THSD7B: variants seen among roughly 807,000 people sequenced by gnomAD.
The protein encoded by THSD7B is thrombospondin type-1 domain-containing protein 7B.
Under a neutral mutation model 213.6 loss-of-function variants are expected in THSD7B, and 138 were observed. That is an observed-to-expected ratio of 0.65 (90% CI 0.56 to 0.74). The LOEUF is 0.74. Among genes scored for constraint, THSD7B ranks in the 30% least tolerant of loss-of-function variants. The pLI is 0.00. For synonymous variants in THSD7B, 742 were observed against 687.0 expected (o/e 1.08, Z -1.25); for missense variants, 1,931 against 1,991.5 (o/e 0.97, Z 0.58).
intron 3 of THSD7B, among the ~76,000 whole-genome samples, chr2:137,068,031 G>T (rs1009443052): frequency 6.6e-6 from 1 of 151,974 alleles, no homozygotes; most frequent in African/African-American, 2.4e-5. Flanking sequence ...TCTGGTCCTG[G>T]TTCTAGTAGT....
rs535089753 is a variant in THSD7B at position 137,336,711 on chromosome 2, A to G, written c.2500+60685A>G. On this transcript the variant is annotated intron_variant, in intron 12 of 27. Coordinates refer to ENST00000409968, the MANE Select transcript of THSD7B (RefSeq NM_001316349.2). The stretch of plus-strand genomic sequence containing the variant: ...ATTGTGTTCTTGAAGAGAATACCAC[A>G]AACAGTGTTTGTCTAACTGGAGTTA... Among the ~76,000 whole-genome samples, 3 of 152,266 alleles carry G rather than the reference A, an allele frequency of 2.0e-5. No homozygotes were observed. The South Asian group carries it at 6.2e-4, about 32-fold the overall frequency.
At chr2:137,325,268 A>G (rs1224236251) in intron 12 of THSD7B, among the ~76,000 whole-genome samples, 1 of 152,174 alleles carries the variant, frequency 6.6e-6, no homozygotes, top group Admixed American at 6.5e-5. Context: ...TCTGAACTGA[A>G]GTGAAAGCAA....
At chr2:137,488,532 A>G (rs949402862) in intron 15 of THSD7B, among the ~76,000 whole-genome samples, 11 of 152,212 alleles carry the variant, frequency 7.2e-5, no homozygotes, top group African/African-American at 2.7e-4. Flanking sequence ...ATATAGAATT[A>G]TCAATGATTG....
chr2:137,513,738 T>C (rs186386984), intron 15 of THSD7B, among the ~76,000 whole-genome samples: 11 of 152,334 alleles, frequency 7.2e-5, no homozygotes, highest in African/African-American at 2.4e-4. Flanking sequence ...TGAGGATTAT[T>C]CTGGAACCTG....
chr2:137,383,819 C>T lies in THSD7B; in HGVS notation c.2501-21794C>T, dbSNP rs1416061578. Among the ~76,000 whole-genome samples, 5 of 152,304 alleles carry T rather than the reference C, an allele frequency of 3.3e-5. No individual in the cohort carries two copies. The East Asian group carries it at 9.7e-4, about 29-fold the overall frequency. ...TGAGTGTTTTTCCAGCTCCCTGCCA[C>T]TTGCCCACCAACACCCCTCAGACCT... On this transcript the variant is annotated intron_variant, in intron 12 of 27. Coordinates refer to ENST00000409968, the MANE Select transcript of THSD7B (RefSeq NM_001316349.2).
chr2:137,471,410 C>A (rs1688092909), intron 15 of THSD7B, among the ~76,000 whole-genome samples: 1 of 152,076 alleles, frequency 6.6e-6, no homozygotes, highest in Non-Finnish European at 1.5e-5. Context: ...TTCATAACTA[C>A]CCAGAAAGCT....
chr2:137,552,684 C>G (rs1200703069), intron 15 of THSD7B, among the ~76,000 whole-genome samples: 1 of 152,160 alleles, frequency 6.6e-6, no homozygotes, highest in Non-Finnish European at 1.5e-5. Context: ...GCATGCATTA[C>G]ATTGTACACA....
chr2:137,355,384 G>C (rs947451558), intron 12 of THSD7B, among the ~76,000 whole-genome samples: 1 of 152,154 alleles, frequency 6.6e-6, no homozygotes, highest in Non-Finnish European at 1.5e-5. Flanking sequence ...AAATAAATGA[G>C]ATAGAAACTA....
At chr2:137,236,786 A>G (rs931614520) in intron 9 of THSD7B, among the ~76,000 whole-genome samples, 2 of 152,138 alleles carry the variant, frequency 1.3e-5, no homozygotes, top group Non-Finnish European at 2.9e-5. Context: ...TTTGTAGCCC[A>G]ATGTGATGTA....
chr2:137,606,901 G>C (rs185974392), intron 17 of THSD7B, among the ~76,000 whole-genome samples: 62 of 152,228 alleles, frequency 4.1e-4, no homozygotes, highest in African/African-American at 1.4e-3. Context: ...AATGGCAACT[G>C]TCACCTAAGG....
At chr2:137,367,332 G>T (rs1263975204) in intron 12 of THSD7B, among the ~76,000 whole-genome samples, 1 of 152,116 alleles carries the variant, frequency 6.6e-6, no homozygotes, top group African/African-American at 2.4e-5. Context: ...AAAGGAGAGA[G>T]AGGGCAGAAA....
At chr2:137,229,078 T>C (rs1681580251) in intron 7 of THSD7B, among the ~76,000 whole-genome samples, 1 of 152,198 alleles carries the variant, frequency 6.6e-6, no homozygotes, top group Non-Finnish European at 1.5e-5. Flanking sequence ...CAATGTATAT[T>C]GGCATTTTCA....
intron 2 of THSD7B, among the ~76,000 whole-genome samples, chr2:136,917,070 T>A (rs1342483229): frequency 6.6e-6 from 1 of 152,228 alleles, no homozygotes; most frequent in Admixed American, 6.5e-5. Flanking sequence ...TAGAGGAGCC[T>A]GCTTGTTTGG....
intron 6 of THSD7B, among the ~76,000 whole-genome samples, chr2:137,165,129 T>A (rs1446210455): frequency 6.6e-6 from 1 of 151,958 alleles, no homozygotes; most frequent in East Asian, 1.9e-4. Context: ...TCCTGCAGAG[T>A]TTAGGGACAT....
intron 1 of THSD7B, among the ~76,000 whole-genome samples, chr2:136,848,352 G>A (rs910790192): frequency 1.3e-5 from 2 of 152,094 alleles, no homozygotes; most frequent in African/African-American, 4.8e-5. Context: ...GAATTAGTAG[G>A]GCTGGGATCT....
chr2:136,907,609 T>C (rs1485159370), intron 2 of THSD7B, among the ~76,000 whole-genome samples: 1 of 152,212 alleles, frequency 6.6e-6, no homozygotes, highest in African/African-American at 2.4e-5. Context: ...ACTGTTATTA[T>C]GTTAGTATTA....
At chr2:137,457,384 A>C (rs1290813757) in intron 15 of THSD7B, among the ~76,000 whole-genome samples, 1 of 152,172 alleles carries the variant, frequency 6.6e-6, no homozygotes, top group Non-Finnish European at 1.5e-5. Context: ...TGGCTTGTCA[A>C]ATGTCCCTAA....
chr2:137,119,810 T>A (rs950903508), intron 5 of THSD7B, among the ~76,000 whole-genome samples: 5 of 152,198 alleles, frequency 3.3e-5, no homozygotes, highest in Non-Finnish European at 7.4e-5. Flanking sequence ...TATCATATCC[T>A]ATGTGTAAAT....
intron 25 of THSD7B, among the ~76,000 whole-genome samples, chr2:137,661,756 G>A (rs1683348324): frequency 6.6e-6 from 1 of 152,084 alleles, no homozygotes; most frequent in East Asian, 1.9e-4. Context: ...CATGCTTCAG[G>A]GGTAGAGGTC....
Sources: gnomAD v4.1 joint callset for allele counts (sites outside exome capture counted in the v4.1 genomes callset) on GRCh38, gnomAD v4.1.1 for gene constraint, MANE v1.5 for transcripts, NCBI Gene and HGNC (gene_info 2026-07-23, HGNC 2026-07-21) for gene names.